The following FKBP5 variants were observed in gnomAD, a reference collection of about 807,000 sequenced individuals.
The protein encoded by FKBP5 is FKBP prolyl isomerase 5.
Under a neutral mutation model 50.5 loss-of-function variants are expected in FKBP5, and 23 were observed. The observed-to-expected ratio is 0.46, with a 90% CI of 0.33 to 0.65. The LOEUF (loss-of-function observed/expected upper bound fraction) is 0.65. Among genes scored for constraint, FKBP5 ranks in the 30% least tolerant of loss-of-function variants. The pLI is 0.02. For synonymous variants in FKBP5, 176 were observed against 190.6 expected, an observed-to-expected ratio of 0.92 and a Z score of 0.63; for missense variants, 411 against 553.1, an observed-to-expected ratio of 0.74 and a Z score of 2.58.
chr6:35,696,406 G>A (rs1324381593), intron 2 of FKBP5, among the ~76,000 whole-genome samples: 5 of 151,580 alleles, frequency 3.3e-5, no homozygotes, highest in Non-Finnish European at 7.4e-5. Context: ...CAGCTACTCA[G>A]GAGGCTGAGG....
At chr6:35,726,083 C>G (rs1186943494) in intron 1 of FKBP5, among the ~76,000 whole-genome samples, 1 of 152,206 alleles carries the variant, frequency 6.6e-6, no homozygotes, top group Non-Finnish European at 1.5e-5. Flanking sequence ...GCCCCAGCAG[C>G]CCAGGTGACA....
intron 5 of FKBP5, among the ~76,000 whole-genome samples, chr6:35,614,754 A>C (rs182056545): frequency 6.8e-4 from 103 of 152,282 alleles, no homozygotes; most frequent in African/African-American, 2.2e-3. Flanking sequence ...TCAAATGAGC[A>C]AAGGGCAAAT....
intron 1 of FKBP5, among the ~76,000 whole-genome samples, chr6:35,657,804 TTTTC>T: frequency 6.6e-6 from 1 of 152,230 alleles, no homozygotes; most frequent in Non-Finnish European, 1.5e-5. Flanking sequence ...TTCCTTTTCC[TTTTC>T]TTTATTTATC....
At chr6:35,576,091 C>T in intron 10 of FKBP5, 149 bp from the exon 11 acceptor site, 1 of 658,548 alleles carries the variant, frequency 1.5e-6, no homozygotes. Context: ...GGCTGTGCTA[C>T]CAATAGTTAG....
chr6:35,653,637 C>T (rs1478731227), intron 1 of FKBP5, among the ~76,000 whole-genome samples: 1 of 152,040 alleles, frequency 6.6e-6, no homozygotes, highest in Non-Finnish European at 1.5e-5. Context: ...CCAGGCAGAT[C>T]CACCACCTAC....
intron 1 of FKBP5, among the ~76,000 whole-genome samples, chr6:35,671,129 T>C (rs1408557665): frequency 6.6e-6 from 1 of 151,904 alleles, no homozygotes; most frequent in Non-Finnish European, 1.5e-5. Flanking sequence ...TTGGGCATGG[T>C]GGTGCACACC....
Position 35,573,999 on chromosome 6 carries a change from T to C in FKBP5, c.*1836A>G, listed in dbSNP as rs946265416. 5 of 152,234 alleles carry C rather than the reference T, an allele frequency of 3.3e-5. No individual in the cohort carries two copies. The highest frequency in any genetic ancestry group is 1.2e-4 in the African/African-American group (5 of 41,458). The allele number at this position is 152,234 out of a possible 1,614,324, so 9.4% of individuals were successfully genotyped here. ...GCCTTTTTAGTATCAAATTTCAATC[T>C]TGGCCTCACTGGAACCATGCTCTAC... On this transcript the variant is annotated 3_prime_UTR_variant, in exon 11 of 11. Coordinates refer to ENST00000357266, the MANE Select transcript of FKBP5 (RefSeq NM_004117.4).
chr6:35,674,555 A>G (rs1765477535), intron 1 of FKBP5, among the ~76,000 whole-genome samples: 1 of 152,100 alleles, frequency 6.6e-6, no homozygotes, highest in African/African-American at 2.4e-5. Context: ...CTTCATTATC[A>G]CTCAATGTTC....
At chr6:35,603,974 G>A (rs941707371) in intron 5 of FKBP5, among the ~76,000 whole-genome samples, 1 of 151,960 alleles carries the variant, frequency 6.6e-6, no homozygotes, top group Non-Finnish European at 1.5e-5. Flanking sequence ...CCAGAGTGCT[G>A]GGATTACAGG....
intron 1 of FKBP5, among the ~76,000 whole-genome samples, chr6:35,674,992 C>T (rs1328546265): frequency 6.6e-6 from 1 of 152,188 alleles, no homozygotes; most frequent in Non-Finnish European, 1.5e-5. Flanking sequence ...CCTAGCAGAA[C>T]TTAATAAATA....
chr6:35,594,600 T>TATACACACACACAGCATGC (rs1273592087), intron 6 of FKBP5, among the ~76,000 whole-genome samples: 5 of 152,106 alleles, frequency 3.3e-5, no homozygotes, highest in Admixed American at 2.6e-4. Context: ...AGGGGTTTTC[T>TATACACACACACAGCATGC]ATACACACAC....
intron 7 of FKBP5, among the ~76,000 whole-genome samples, chr6:35,590,303 A>C (rs374650274): frequency 8.2e-4 from 124 of 152,142 alleles, no homozygotes; most frequent in African/African-American, 2.6e-3. Context: ...CCTATCTCAA[A>C]AAAAAAAAAG....
intron 5 of FKBP5, among the ~76,000 whole-genome samples, chr6:35,600,044 C>A (rs917404411): frequency 1.3e-5 from 2 of 152,098 alleles, no homozygotes; most frequent in Non-Finnish European, 2.9e-5. Context: ...GGCTATAAAT[C>A]TGTATAGCAT....
intron 1 of FKBP5, among the ~76,000 whole-genome samples, chr6:35,723,271 A>T (rs1358625901): frequency 6.6e-6 from 1 of 151,954 alleles, no homozygotes; most frequent in African/African-American, 2.4e-5. Context: ...AATTAAAATA[A>T]AAATAAATAA....
intron 5 of FKBP5, among the ~76,000 whole-genome samples, chr6:35,617,031 T>G (rs954790784): frequency 6.6e-6 from 1 of 151,468 alleles, no homozygotes; most frequent in African/African-American, 2.4e-5. Flanking sequence ...CGCCCAGAGG[T>G]GAAGTCTAGT....
At chr6:35,623,335 ACAT>A (rs1177373976) in intron 3 of FKBP5, among the ~76,000 whole-genome samples, 1 of 152,230 alleles carries the variant, frequency 6.6e-6, no homozygotes, top group East Asian at 1.9e-4. Context: ...TAAAGGAAAG[ACAT>A]CATCATCATA....
At chr6:35,719,610 T>C (rs554017118) in intron 2 of FKBP5, among the ~76,000 whole-genome samples, 2 of 151,832 alleles carry the variant, frequency 1.3e-5, no homozygotes, top group African/African-American at 2.4e-5. Flanking sequence ...GGTGCCCCTG[T>C]GTAGTCCACA....
At chr6:35,717,293 TG>T (rs1043852043) in intron 2 of FKBP5, among the ~76,000 whole-genome samples, 46 of 152,300 alleles carry the variant, frequency 3.0e-4, no homozygotes, top group African/African-American at 1.1e-3. Context: ...GCCTGAGAGC[TG>T]AGGGTGGAGA....
intron 1 of FKBP5, among the ~76,000 whole-genome samples, chr6:35,687,364 G>A (rs2151013787): frequency 6.6e-6 from 1 of 152,272 alleles, no homozygotes; most frequent in African/African-American, 2.4e-5. Flanking sequence ...AGAAAATGGT[G>A]AAGTGAAAGT....
Sources: allele counts gnomAD v4.1 joint callset (sites outside exome capture counted in the v4.1 genomes callset), GRCh38; gene constraint gnomAD v4.1.1; transcripts MANE v1.5; gene names NCBI Gene and HGNC (gene_info 2026-07-23, HGNC 2026-07-21).